The following FHIT variants were observed in gnomAD, a reference collection of about 807,000 sequenced individuals.
The protein encoded by FHIT is bis(5'-adenosyl)-triphosphatase.
FHIT carries 19 observed loss-of-function variants against 17.9 expected under a neutral mutation model. The observed-to-expected ratio is 1.06, with a 90% CI of 0.74 to 1.56. The LOEUF (loss-of-function observed/expected upper bound fraction) is 1.56, where lower values mean the gene tolerates loss of function less well. Among genes scored for constraint, FHIT ranks in the 40% most tolerant of loss-of-function variants. The pLI is 0.00. For synonymous variants in FHIT, 81 were observed against 69.7 expected (o/e 1.16, Z -0.81); for missense variants, 248 against 189.2 (o/e 1.31, Z -1.82).
intron 4 of FHIT, among the ~76,000 whole-genome samples, chr3:60,761,618 C>CTT (rs71629113): frequency 3.9e-5 from 5 of 128,706 alleles, no homozygotes; most frequent in Non-Finnish European, 6.6e-5. Flanking sequence ...TCTTCCATGT[C>CTT]TTTTTTTTTT....
chr3:61,065,792 C>A (rs567517217), intron 2 of FHIT, among the ~76,000 whole-genome samples: 4 of 151,914 alleles, frequency 2.6e-5, no homozygotes, highest in Admixed American at 1.3e-4. Context: ...AATATACAAG[C>A]TTTTATTCTC....
At chr3:61,093,697 G>T (rs1473167065) in intron 2 of FHIT, among the ~76,000 whole-genome samples, 1 of 152,178 alleles carries the variant, frequency 6.6e-6, no homozygotes, top group Non-Finnish European at 1.5e-5. Flanking sequence ...ATTCTCATTT[G>T]AACAACGGGC....
At chr3:60,257,321 A>C (rs568437635) in intron 5 of FHIT, among the ~76,000 whole-genome samples, 175 of 152,314 alleles carry the variant, frequency 1.1e-3, no homozygotes, top group African/African-American at 4.1e-3. Context: ...AAATGAATTA[A>C]ATCCAGAAAC....
chr3:61,229,767 C>A (rs892898690), intron 1 of FHIT, among the ~76,000 whole-genome samples: 1 of 152,018 alleles, frequency 6.6e-6, no homozygotes, highest in Admixed American at 6.5e-5. Context: ...GACCTTAGAA[C>A]AATATATCAA....
chr3:60,432,593 C>T (rs376705115), intron 5 of FHIT, among the ~76,000 whole-genome samples: 2 of 152,066 alleles, frequency 1.3e-5, no homozygotes, highest in Non-Finnish European at 2.9e-5. Flanking sequence ...AGACTACTAG[C>T]ATGCAGGCAA....
At chr3:59,877,294 C>A (rs1451198224) in intron 8 of FHIT, among the ~76,000 whole-genome samples, 18 of 152,176 alleles carry the variant, frequency 1.2e-4, no homozygotes, top group Non-Finnish European at 1.5e-5. Flanking sequence ...AATTGTAATT[C>A]TTTCAGGTTT....
At chr3:60,113,450 A>G (rs1428491524) in intron 5 of FHIT, among the ~76,000 whole-genome samples, 1 of 151,910 alleles carries the variant, frequency 6.6e-6, no homozygotes, top group African/African-American at 2.4e-5. Flanking sequence ...GGCCATACAC[A>G]GTGAATCTAC....
At chr3:60,510,485 A>T (rs1411626955) in intron 5 of FHIT, among the ~76,000 whole-genome samples, 1 of 152,068 alleles carries the variant, frequency 6.6e-6, no homozygotes, top group Non-Finnish European at 1.5e-5. Flanking sequence ...AGTATAATGG[A>T]CCTATTTGGC....
At chr3:60,269,358 T>C (rs1706750498) in intron 5 of FHIT, among the ~76,000 whole-genome samples, 1 of 152,210 alleles carries the variant, frequency 6.6e-6, no homozygotes. Flanking sequence ...AGAATTTCTT[T>C]CCATTTGAAA....
Position 61,011,566 on chromosome 3 carries a change from T to C in FHIT, c.-111+30481A>G, listed in dbSNP as rs141162978. ...TTATACAGTCTATAACTGTATAAAGTCTTCCAACTGGAGTTCATGGAATCA... is the reference window on the plus strand; with the variant it reads ...TTATACAGTCTATAACTGTATAAAGCCTTCCAACTGGAGTTCATGGAATCA... On this transcript the variant is annotated intron_variant, in intron 3 of 9. Transcript: ENST00000492590. Among the ~76,000 whole-genome samples, 446 of 152,250 alleles carry C rather than the reference T, an allele frequency of 2.9e-3. 6 individuals are homozygous for C. Among genetic ancestry groups the C allele is most frequent in the African/African-American group, 0.01 (416 of 41,560 alleles).
chr3:59,808,181 A>G (rs759993497), intron 8 of FHIT, among the ~76,000 whole-genome samples: 8 of 152,208 alleles, frequency 5.3e-5, no homozygotes, highest in Non-Finnish European at 8.8e-5. Flanking sequence ...GAATCATACA[A>G]TATGTGGCCT....
At chr3:60,580,395 T>C (rs1309287780) in intron 4 of FHIT, among the ~76,000 whole-genome samples, 1 of 152,130 alleles carries the variant, frequency 6.6e-6, no homozygotes, top group African/African-American at 2.4e-5. Flanking sequence ...TCATCCCTGA[T>C]TTTTTAAAAT....
At chr3:59,775,447 T>C (rs902090640) in intron 8 of FHIT, among the ~76,000 whole-genome samples, 26 of 152,194 alleles carry the variant, frequency 1.7e-4, no homozygotes, top group African/African-American at 5.5e-4. Context: ...ATTTTATACA[T>C]CAGTGGTCGC....
intron 5 of FHIT, among the ~76,000 whole-genome samples, chr3:60,083,767 C>T (rs893685658): frequency 2.6e-5 from 4 of 152,202 alleles, no homozygotes; most frequent in Non-Finnish European, 4.4e-5. Flanking sequence ...AATATATAAA[C>T]AAATGGGTGT....
chr3:60,500,837 T>G (rs2107523305), intron 5 of FHIT, among the ~76,000 whole-genome samples: 1 of 142,460 alleles, frequency 7.0e-6, no homozygotes, highest in South Asian at 2.2e-4. Flanking sequence ...CTGGCTGAAA[T>G]CATAAAGAAC....
At chr3:60,408,032 C>G (rs1701937632) in intron 5 of FHIT, among the ~76,000 whole-genome samples, 1 of 152,188 alleles carries the variant, frequency 6.6e-6, no homozygotes, top group Non-Finnish European at 1.5e-5. Flanking sequence ...GCACATGCCT[C>G]ATTTTAAAGC....
intron 5 of FHIT, among the ~76,000 whole-genome samples, chr3:60,366,231 A>G (rs1026976015): frequency 1.3e-5 from 2 of 152,108 alleles, no homozygotes; most frequent in African/African-American, 4.8e-5. Context: ...GCTGGAGTGC[A>G]GTGGTGCAAT....
intron 5 of FHIT, among the ~76,000 whole-genome samples, chr3:60,175,543 A>G (rs564906708): frequency 6.6e-6 from 1 of 152,348 alleles, no homozygotes; most frequent in South Asian, 2.1e-4. Context: ...TTTTTACTCA[A>G]CATAATGACT....
intron 4 of FHIT, among the ~76,000 whole-genome samples, chr3:60,769,914 T>C (rs1193311905): frequency 2.6e-5 from 4 of 152,234 alleles, no homozygotes; most frequent in Non-Finnish European, 5.9e-5. Flanking sequence ...AGTGTTTCTA[T>C]GAAATTGGAA....
Sources: gnomAD v4.1 joint callset for allele counts (sites outside exome capture counted in the v4.1 genomes callset) on GRCh38, gnomAD v4.1.1 for gene constraint, MANE v1.5 for transcripts, NCBI Gene and HGNC (gene_info 2026-07-23, HGNC 2026-07-21) for gene names.